Variants in INPP4B observed in about 807,000 individuals in gnomAD.
INPP4B encodes the protein inositol polyphosphate-4-phosphatase type II B, also known as inositol polyphosphate 4-phosphatase type II.
A neutral mutation model predicts 122.5 loss-of-function variants in INPP4B; 55 were observed. The ratio of observed to expected loss-of-function variants is 0.45; its 90% CI spans 0.36 to 0.56. INPP4B has a LOEUF of 0.56. INPP4B is among the 20% of genes least tolerant of loss of function. The probability of loss-of-function intolerance (pLI) is 0.00; values close to 1 mark genes in which losing one functional copy is unlikely to be tolerated. For synonymous variants in INPP4B, 403 were observed against 388.7 expected (o/e 1.04, Z -0.43); for missense variants, 1,000 against 1,097.7 (o/e 0.91, Z 1.26).
intron 5 of INPP4B, among the ~76,000 whole-genome samples, chr4:142,411,546 A>C (rs1236153579): frequency 6.6e-6 from 1 of 152,118 alleles, no homozygotes; most frequent in Admixed American, 6.6e-5. Flanking sequence ...TTAAGAGCAA[A>C]AAGGGCCAGA....
chr4:142,187,416 T>C (rs908788293), intron 15 of INPP4B, among the ~76,000 whole-genome samples: 1 of 152,138 alleles, frequency 6.6e-6, no homozygotes, highest in Admixed American at 6.5e-5. Context: ...ATTTTTAAAT[T>C]TGGAGTATTG....
At chr4:142,059,052 G>T (rs1293427372) in intron 25 of INPP4B, among the ~76,000 whole-genome samples, 3 of 152,074 alleles carry the variant, frequency 2.0e-5, no homozygotes, top group South Asian at 4.1e-4. Context: ...TATAAACCTG[G>T]ATATTTAGTC....
intron 7 of INPP4B, among the ~76,000 whole-genome samples, chr4:142,334,269 C>G (rs1208445058): frequency 6.6e-6 from 1 of 152,142 alleles, no homozygotes. Context: ...TTGTATGATA[C>G]ACACAAATAC....
At chr4:142,193,217 A>T in intron 14 of INPP4B, 22 bp from the exon 15 acceptor site, 1 of 1,401,452 alleles carries the variant, frequency 7.1e-7, no homozygotes, top group Non-Finnish European at 1.0e-6. Flanking sequence ...ACAGACAAGG[A>T]GATGAACACT....
intron 2 of INPP4B, among the ~76,000 whole-genome samples, chr4:142,567,026 A>G (rs1470186397): frequency 6.6e-6 from 1 of 152,126 alleles, no homozygotes; most frequent in Non-Finnish European, 1.5e-5. Context: ...CTCAAACGCT[A>G]TCCTTTTACA....
chr4:142,287,426 T>C (rs539473748), intron 9 of INPP4B: 11 of 152,338 alleles, frequency 7.2e-5, no homozygotes, highest in Admixed American at 2.6e-4. Flanking sequence ...CCCTTTTCTA[T>C]AGGCATAACA....
At chr4:142,671,948 A>G (rs1757063717) in intron 2 of INPP4B, among the ~76,000 whole-genome samples, 1 of 152,082 alleles carries the variant, frequency 6.6e-6, no homozygotes. Context: ...CCTAGCAACC[A>G]CTGATAATAT....
intron 18 of INPP4B, among the ~76,000 whole-genome samples, chr4:142,129,753 C>T (rs1800371506): frequency 6.6e-6 from 1 of 152,154 alleles, no homozygotes; most frequent in African/African-American, 2.4e-5. Context: ...TAATCTACTG[C>T]CTGTCTCTGA....
chr4:142,579,857 GGATA>G (rs10541845), intron 2 of INPP4B, among the ~76,000 whole-genome samples: 8,254 of 130,610 alleles, frequency 0.063, 318 homozygotes, highest in South Asian at 0.11. Flanking sequence ...TTGGATGAAT[GGATA>G]GATAGATAGA....
intron 7 of INPP4B, among the ~76,000 whole-genome samples, chr4:142,386,246 A>G (rs1052004004): frequency 2.0e-5 from 3 of 152,152 alleles, no homozygotes; most frequent in Non-Finnish European, 4.4e-5. Context: ...TTGTGTACAT[A>G]TACCACATTT....
intron 25 of INPP4B, among the ~76,000 whole-genome samples, chr4:142,061,881 C>CAT (rs1560979242): frequency 9.9e-4 from 8 of 8,100 alleles, no homozygotes; most frequent in Non-Finnish European, 2.9e-3. Context: ...CACACACACA[C>CAT]ACACATATAT....
Position 142,112,678 on chromosome 4 carries a change from G to A in INPP4B, c.2140C>T (p.His714Tyr), listed in dbSNP as rs374855118. 15 of 1,607,318 alleles carry A rather than the reference G, an allele frequency of 9.3e-6. No homozygotes were observed. In the African/African-American group the frequency reaches 1.7e-4, roughly 19 times the overall value. Residue 714 changes from histidine (H) to tyrosine (Y), a missense_variant, in exon 22 of 26, where the codon CAT (histidine) becomes TAT (tyrosine). Coordinates refer to ENST00000262992, the MANE Select transcript of INPP4B (RefSeq NM_001101669.3). ...GGAAGCTTGACCTCTACCACGTAAT[G>A]TTCTCTAAAGAAGGCAGAGGACAAA... ...VLPVITGRRE[H>Y]YVVEVKLPAR...
intron 14 of INPP4B, among the ~76,000 whole-genome samples, chr4:142,204,176 T>C (rs1841778950): frequency 6.6e-6 from 1 of 152,086 alleles, no homozygotes; most frequent in Non-Finnish European, 1.5e-5. Flanking sequence ...CAACCTGTAT[T>C]ATAACATGTA....
At chr4:142,614,592 A>G (rs1368248173) in intron 2 of INPP4B, among the ~76,000 whole-genome samples, 1 of 152,102 alleles carries the variant, frequency 6.6e-6, no homozygotes, top group Non-Finnish European at 1.5e-5. Context: ...TAAATAATCA[A>G]CAGAGTAAAC....
intron 2 of INPP4B, among the ~76,000 whole-genome samples, chr4:142,664,435 G>A (rs1186610743): frequency 2.6e-5 from 4 of 151,880 alleles, no homozygotes; most frequent in Non-Finnish European, 5.9e-5. Flanking sequence ...TCCAATACCT[G>A]GCACTGCATA....
At chr4:142,055,369 C>T (rs1757050806) in intron 25 of INPP4B, among the ~76,000 whole-genome samples, 1 of 152,066 alleles carries the variant, frequency 6.6e-6, no homozygotes, top group South Asian at 2.1e-4. Context: ...TACAGATGGA[C>T]TTCAAACTTA....
chr4:142,381,735 A>G (rs551182219), intron 7 of INPP4B, among the ~76,000 whole-genome samples: 1 of 152,230 alleles, frequency 6.6e-6, no homozygotes, highest in East Asian at 1.9e-4. Flanking sequence ...AGAATATAAT[A>G]AACTGTAATA....
At chr4:142,236,881 C>CA (rs1856890621) in intron 12 of INPP4B, among the ~76,000 whole-genome samples, 1 of 152,164 alleles carries the variant, frequency 6.6e-6, no homozygotes, top group African/African-American at 2.4e-5. Flanking sequence ...AGAAATTTCA[C>CA]ACTCTGCTGT....
intron 2 of INPP4B, among the ~76,000 whole-genome samples, chr4:142,607,560 G>C (rs954742420): frequency 6.6e-6 from 1 of 151,928 alleles, no homozygotes; most frequent in Admixed American, 6.6e-5. Context: ...TTTGGATGCT[G>C]GTCTGTCCAG....
Sources: allele counts gnomAD v4.1 joint callset (sites outside exome capture counted in the v4.1 genomes callset), GRCh38; gene constraint gnomAD v4.1.1; transcripts MANE v1.5; gene names NCBI Gene and HGNC (gene_info 2026-07-23, HGNC 2026-07-21).